Variants in HERC4 observed in about 807,000 individuals in gnomAD.
HERC4 encodes probable E3 ubiquitin-protein ligase HERC4.
A neutral mutation model predicts 124.3 loss-of-function variants in HERC4; 28 were observed. The observed-to-expected ratio is 0.23, with a 90% CI of 0.17 to 0.31. The LOEUF (loss-of-function observed/expected upper bound fraction) is 0.31. Ranked by LOEUF, HERC4 falls within the 10% of genes least tolerant of loss-of-function variation. HERC4 has a pLI of 1.00. For synonymous variants in HERC4, 407 were observed against 421.5 expected (o/e 0.97, Z 0.42); for missense variants, 713 against 1,229.3 (o/e 0.58, Z 6.28).
intron 9 of HERC4, among the ~76,000 whole-genome samples, chr10:68,006,692 G>A (rs1264487300): frequency 6.6e-6 from 1 of 151,932 alleles, no homozygotes; most frequent in African/African-American, 2.4e-5. Context: ...CTCAGTTTTT[G>A]TTTGTCTGGG....
At chr10:68,036,413 G>A (rs2039472155) in intron 5 of HERC4, among the ~76,000 whole-genome samples, 1 of 151,852 alleles carries the variant, frequency 6.6e-6, no homozygotes, top group Admixed American at 6.6e-5. Flanking sequence ...ATGAAAAACT[G>A]TCCTCAGTAA....
chr10:68,021,599 A>C (rs2038628453), intron 8 of HERC4, among the ~76,000 whole-genome samples: 1 of 152,158 alleles, frequency 6.6e-6, no homozygotes, highest in Non-Finnish European at 1.5e-5. Flanking sequence ...ACCAGTGGTC[A>C]GGAGTTCAAG....
chr10:68,064,255 A>G (rs2041183420), intron 3 of HERC4, among the ~76,000 whole-genome samples: 1 of 152,014 alleles, frequency 6.6e-6, no homozygotes, highest in Admixed American at 6.6e-5. Context: ...ATAAAAAATA[A>G]TTAAAAGAAA....
intron 15 of HERC4, among the ~76,000 whole-genome samples, chr10:67,973,533 T>C (rs1480488496): frequency 6.6e-6 from 1 of 152,202 alleles, no homozygotes; most frequent in Non-Finnish European, 1.5e-5. Flanking sequence ...AGGTTTTAGA[T>C]TTAAAAAGTA....
intron 8 of HERC4, among the ~76,000 whole-genome samples, chr10:68,024,662 AT>A (rs2038808184): frequency 6.6e-6 from 1 of 152,240 alleles, no homozygotes; most frequent in Admixed American, 6.5e-5. Flanking sequence ...GATTACATGC[AT>A]TTGAAGCTAA....
At chr10:67,970,848 T>C (rs1202928768) in intron 15 of HERC4, among the ~76,000 whole-genome samples, 1 of 151,838 alleles carries the variant, frequency 6.6e-6, no homozygotes, top group Admixed American at 6.6e-5. Context: ...ATGTTTCTGC[T>C]TTAAGAATCT....
chr10:68,063,403 T>C (rs1229916826), intron 3 of HERC4, among the ~76,000 whole-genome samples: 1 of 151,876 alleles, frequency 6.6e-6, no homozygotes, highest in Non-Finnish European at 1.5e-5. Context: ...AGAGACGGGG[T>C]CTCACTACAC....
chr10:67,973,758 A>C (rs2035394058), intron 15 of HERC4, among the ~76,000 whole-genome samples: 1 of 152,146 alleles, frequency 6.6e-6, no homozygotes, highest in Non-Finnish European at 1.5e-5. Flanking sequence ...TAATTTTAAA[A>C]ATTACTGTAC....
At chr10:67,998,912 ATAT>A (rs1462772092) in intron 9 of HERC4, among the ~76,000 whole-genome samples, 1 of 151,908 alleles carries the variant, frequency 6.6e-6, no homozygotes, top group Non-Finnish European at 1.5e-5. Flanking sequence ...GCTAATTTTT[ATAT>A]TTTTAGTAGA....
In HERC4 at chr10:67,992,618, G is replaced by A. The variant is rs1387633901; in HGVS notation, c.1134C>T (p.Tyr378=). Residue 378 remains tyrosine, a synonymous_variant, in exon 10 of 25, where the codon TAC becomes TAT. Coordinates refer to ENST00000373700, the MANE Select transcript of HERC4 (RefSeq NM_015601.4). ...FSGGDQSFSH[Y]SSPQNCGPPD... Reference sequence around the variant, plus strand: ...ACTATATTATTACCTGGGGACTAGAGTAATGTGAAAAGCTTTGATCTCCCC... The same window carrying A: ...ACTATATTATTACCTGGGGACTAGAATAATGTGAAAAGCTTTGATCTCCCC... The A allele has an allele frequency of 6.6e-7, 1 of 1,519,512 alleles. No individual in the cohort carries two copies. 94.1% of individuals were successfully genotyped at this position (1,519,512 alleles called of 1,614,324 possible).
intron 9 of HERC4, chr10:67,993,365 G>T (rs931024985): frequency 1.3e-5 from 2 of 148,848 alleles, no homozygotes; most frequent in Non-Finnish European, 3.0e-5. Flanking sequence ...AAAAAAGAAA[G>T]AATTGAACTG....
At chr10:67,957,945 T>C (rs930089560) in intron 16 of HERC4, among the ~76,000 whole-genome samples, 2 of 152,058 alleles carry the variant, frequency 1.3e-5, no homozygotes, top group Admixed American at 1.3e-4. Flanking sequence ...GTAGCTGGGA[T>C]TACAGGTGCC....
intron 3 of HERC4, among the ~76,000 whole-genome samples, chr10:68,057,708 AT>A (rs112719465): frequency 0.094 from 13,820 of 146,794 alleles, 1,016 homozygotes; most frequent in East Asian, 0.41. Flanking sequence ...ACACCTTATT[AT>A]TTTTTTTTTT....
At position 68,015,327 on chromosome 10, in the gene HERC4, A is replaced by G. The variant is rs560562197; in HGVS notation, c.909-1141T>C. Among the ~76,000 whole-genome samples, 8 of 152,374 alleles carry G rather than the reference A, an allele frequency of 5.3e-5. No individual in the cohort carries two copies. The East Asian group carries it at 1.5e-3, about 29-fold the overall frequency. Reference sequence around the variant, plus strand: ...CTCCTAGCCAGATCATCAACTGATCATCTAAGTCAGCTAAGATGAGAGCAG... The same window carrying G: ...CTCCTAGCCAGATCATCAACTGATCGTCTAAGTCAGCTAAGATGAGAGCAG... On this transcript the variant is annotated intron_variant, in intron 8 of 24. Transcript: ENST00000373700.
intron 15 of HERC4, among the ~76,000 whole-genome samples, chr10:67,983,256 C>T (rs2036044668): frequency 6.6e-6 from 1 of 152,114 alleles, no homozygotes; most frequent in Admixed American, 6.5e-5. Flanking sequence ...AGGGAACCTT[C>T]GTACATTGTT....
chr10:68,040,390 TTTTC>T (rs1304644277), intron 4 of HERC4: 1 of 941,884 alleles, frequency 1.1e-6, no homozygotes, highest in African/African-American at 1.8e-5. Context: ...ATTGGCTTTG[TTTTC>T]TTTGTTTTAG....
intron 9 of HERC4, among the ~76,000 whole-genome samples, chr10:68,006,373 T>C (rs1474423565): frequency 6.7e-6 from 1 of 148,390 alleles, no homozygotes; most frequent in Non-Finnish European, 1.5e-5. Flanking sequence ...GTTTTTGTTT[T>C]TGTTTTTTTT....
Position 67,922,788 on chromosome 10 carries a change from GCTTCCATGAACA to G in HERC4, c.*131_*142del, listed in dbSNP as rs2030360069. 1.8e-6 allele frequency: 1 copy of G among 544,402 alleles called. No homozygotes were observed. The highest frequency in any genetic ancestry group is 3.2e-5 in the Admixed American group (1 of 31,544). 33.7% of individuals were successfully genotyped at this position (544,402 alleles called of 1,614,324 possible). On this transcript the variant is annotated 3_prime_UTR_variant, in exon 25 of 25. Transcript: ENST00000373700. ...GTTCATTTTCCTTTAATATTTTTTGGCTTCCATGAACACTCGTAGATTGAACATTCTGCAAGT... is the reference window on the plus strand; with the variant it reads ...GTTCATTTTCCTTTAATATTTTTTGGCTCGTAGATTGAACATTCTGCAAGT...
chr10:67,991,547 T>C (rs1035605066), intron 11 of HERC4, among the ~76,000 whole-genome samples: 30 of 152,206 alleles, frequency 2.0e-4, no homozygotes, highest in African/African-American at 5.5e-4. Flanking sequence ...GCAGTGAGCC[T>C]AATCTGGGAT....
Sources: allele counts gnomAD v4.1 joint callset (sites outside exome capture counted in the v4.1 genomes callset), GRCh38; gene constraint gnomAD v4.1.1; transcripts MANE v1.5; gene names NCBI Gene and HGNC (gene_info 2026-07-23, HGNC 2026-07-21).